The following SYNM variants were observed in gnomAD, a reference collection of about 807,000 sequenced individuals.
SYNM encodes synemin, also known as desmuslin.
Under a neutral mutation model 104.0 loss-of-function variants are expected in SYNM, and 95 were observed. That is an observed-to-expected ratio of 0.91 (90% CI 0.77 to 1.08). The LOEUF (loss-of-function observed/expected upper bound fraction) is 1.08. Ranked by LOEUF, SYNM falls within the 50% of genes least tolerant of loss-of-function variation. The pLI is 0.00. For missense variants in SYNM, 2,150 were observed against 2,052.2 expected, an observed-to-expected ratio of 1.05 and a Z score of -0.92; for synonymous variants, 918 against 869.0, an observed-to-expected ratio of 1.06 and a Z score of -0.99.
chr15:99,109,769 T>C (rs987890620), intron 1 of SYNM, among the ~76,000 whole-genome samples: 35 of 152,170 alleles, frequency 2.3e-4, no homozygotes, highest in Non-Finnish European at 2.5e-4. Flanking sequence ...AGAAAGTCCC[T>C]TGACCTGAGA....
chr15:99,121,053 G>A (rs1218345921), intron 2 of SYNM, among the ~76,000 whole-genome samples: 2 of 152,178 alleles, frequency 1.3e-5, no homozygotes, highest in East Asian at 1.9e-4. Flanking sequence ...GGGCCTTTGG[G>A]TGGTGGGGGA....
chr15:99,137,057 G>C (rs527642083), downstream of SYNM: 1 of 152,452 alleles, frequency 6.6e-6, no homozygotes, highest in East Asian at 1.9e-4. Flanking sequence ...CACAGTCTGT[G>C]GGACCAGGGG....
chr15:99,123,020 G>A (rs567387385), intron 2 of SYNM, among the ~76,000 whole-genome samples: 15 of 152,292 alleles, frequency 9.8e-5, no homozygotes, highest in South Asian at 8.3e-4. Context: ...AGAAGGAGGT[G>A]GGGACGACGT....
intron 2 of SYNM, among the ~76,000 whole-genome samples, chr15:99,123,378 G>A (rs1427428500): frequency 2.0e-5 from 3 of 150,954 alleles, no homozygotes; most frequent in Non-Finnish European, 2.9e-5. Flanking sequence ...CCCCAGAAGC[G>A]ATGCCCGGAA....
intron 2 of SYNM, among the ~76,000 whole-genome samples, chr15:99,125,910 G>C (rs960725536): frequency 6.6e-6 from 1 of 152,202 alleles, no homozygotes; most frequent in Non-Finnish European, 1.5e-5. Context: ...GGTCTGCTGG[G>C]ACCACTCTCC....
Position 99,129,823 on chromosome 15 carries a change from G to T in SYNM, c.1463G>T (p.Arg488Leu). 6.2e-7 allele frequency: 1 copy of T among 1,613,608 alleles called. No homozygotes were observed. The highest frequency in any genetic ancestry group is 8.5e-7 in the Non-Finnish European group (1 of 1,179,830). The change falls in exon 4 of 4, where the codon CGG becomes CTG. Residue 488 changes from arginine (R) to leucine (L), a missense_variant. Physicochemically the swap from Arg to Leu is moderately radical, Grantham distance 102. Coordinates refer to ENST00000336292, the MANE Select transcript of SYNM (RefSeq NM_145728.3). ...KVAAGASEST[R>L]SNERTVILGK... ...GCAGCAGGTGCTTCGGAAAGCACAC[G>T]GTCAAATGAGAGGACCGTCATTCTG... is the stretch of plus-strand genomic sequence containing the variant.
At position 99,129,586 on chromosome 15, in the gene SYNM, C is replaced by A. The variant is rs782115557; in HGVS notation, c.1226C>A (p.Thr409Asn). The A allele has an allele frequency of 6.2e-7, 1 of 1,613,858 alleles. No individual in the cohort carries two copies. Among genetic ancestry groups the A allele is most frequent in the Non-Finnish European group, 8.5e-7 (1 of 1,179,826 alleles). ...TCGGGATATTCTTCCTCGGCCACTA[C>A]CCAGCAGGAAAACTCATACGGAAAA... ...LGSGYSSSAT[T>N]QQENSYGKAV... Residue 409 changes from threonine to asparagine, a missense_variant, in exon 4 of 4, where the codon ACC becomes AAC. Coordinates refer to ENST00000336292, the MANE Select transcript of SYNM (RefSeq NM_145728.3).
At chr15:99,119,989 G>A (rs1317385687) in intron 2 of SYNM, among the ~76,000 whole-genome samples, 1 of 152,188 alleles carries the variant, frequency 6.6e-6, no homozygotes, top group Non-Finnish European at 1.5e-5. Context: ...AGTGACAGCT[G>A]CCTTCTGTTT....
At chr15:99,107,549 A>G (rs2067258001) in intron 1 of SYNM, among the ~76,000 whole-genome samples, 1 of 152,216 alleles carries the variant, frequency 6.6e-6, no homozygotes, top group Admixed American at 6.5e-5. Context: ...AATCGTCACC[A>G]TGCGTTCACA....
intron 3 of SYNM, among the ~76,000 whole-genome samples, chr15:99,127,346 A>G (rs1185097805): frequency 6.6e-6 from 1 of 152,198 alleles, no homozygotes; most frequent in East Asian, 1.9e-4. Flanking sequence ...GACAGGGCCC[A>G]TCCTTCCTAT....
At position 99,130,987 on chromosome 15, in the gene SYNM, G is replaced by C. The variant is rs1555485727; in HGVS notation, c.2627G>C (p.Arg876Thr). Residue 876 changes from arginine to threonine, a missense_variant, in exon 4 of 4, where the codon AGG (arginine) becomes ACG (threonine). Coordinates refer to ENST00000336292, the MANE Select transcript of SYNM (RefSeq NM_145728.3). Reference sequence around the variant, plus strand: ...GAAATCGTGCAGGGGACTCGAAGGAGGACACAGAAGGACGGTGCAGTGGGC... The same window carrying C: ...GAAATCGTGCAGGGGACTCGAAGGACGACACAGAAGGACGGTGCAGTGGGC... ...QDEIVQGTRR[R>T]TQKDGAVGEK... is the part of the protein sequence containing the mutation. 1 of 1,613,804 alleles carries C rather than the reference G, an allele frequency of 6.2e-7. No homozygotes were observed. Among genetic ancestry groups the C allele is most frequent in the Admixed American group, 1.7e-5 (1 of 60,008 alleles).
Position 99,105,153 on chromosome 15 carries a change from G to C in SYNM, c.-47G>C. 3.9e-6 allele frequency: 6 copies of C among 1,549,440 alleles called. No individual in the cohort carries two copies. Among genetic ancestry groups the C allele is most frequent in the South Asian group, 1.2e-5 (1 of 84,760 alleles). On this transcript the variant is annotated 5_prime_UTR_variant, in exon 1 of 4. Coordinates refer to ENST00000336292, the MANE Select transcript of SYNM (RefSeq NM_145728.3). ...GAGGACGAGACCGGGACAAGACCAG[G>C]GCAGGAGGGAGCCGGCCAGCCGCGA...
At chr15:99,111,905 C>T (rs1469217878) in intron 1 of SYNM, among the ~76,000 whole-genome samples, 4 of 152,160 alleles carry the variant, frequency 2.6e-5, no homozygotes, top group South Asian at 2.1e-4. Context: ...ATCAGTTGGG[C>T]GTGATGGCAG....
chr15:99,105,951 T>C lies in SYNM; in HGVS notation c.752T>C (p.Leu251Pro). ...ALGLEQLRAR[L>P]EDALLRMREE... ...GGGTTGGAGCAGCTGCGCGCGCGGCTGGAGGACGCGCTGCTGCGGATGCGC... is the reference window on the plus strand; with the variant it reads ...GGGTTGGAGCAGCTGCGCGCGCGGCCGGAGGACGCGCTGCTGCGGATGCGC... The change falls in exon 1 of 4, where the codon CTG becomes CCG. Residue 251 changes from leucine (L) to proline (P), a missense_variant. By Grantham distance (98) the Leu-to-Pro change is moderately conservative. Transcript: ENST00000336292. 8 of 1,520,860 alleles carry C rather than the reference T, an allele frequency of 5.3e-6. No homozygotes were observed. The highest frequency in any genetic ancestry group is 7.0e-6 in the Non-Finnish European group (8 of 1,140,276). The allele number at this position is 1,520,860 out of a possible 1,614,324, so 94.2% of individuals were successfully genotyped here.
chr15:99,135,994 C>T (rs1447355663), downstream of SYNM, among the ~76,000 whole-genome samples: 1 of 152,102 alleles, frequency 6.6e-6, no homozygotes, highest in Non-Finnish European at 1.5e-5. Flanking sequence ...CAGTTGGTTA[C>T]CTTATAAGTG....
At chr15:99,136,755 G>A (rs2067622478), downstream of SYNM, 1 of 151,602 alleles carries the variant, frequency 6.6e-6, no homozygotes. Flanking sequence ...GGTGAGTAGT[G>A]ACATCTTACA....
At chr15:99,116,809 T>G (rs1264252481) in intron 2 of SYNM, among the ~76,000 whole-genome samples, 1 of 143,730 alleles carries the variant, frequency 7.0e-6, no homozygotes, top group African/African-American at 2.5e-5. Flanking sequence ...CCCGAGTAGC[T>G]GGGACTACAG....
intron 2 of SYNM, among the ~76,000 whole-genome samples, chr15:99,114,610 G>C (rs868993933): frequency 2.6e-5 from 4 of 152,062 alleles, no homozygotes; most frequent in Non-Finnish European, 5.9e-5. Flanking sequence ...AGGCCAACTG[G>C]CTTTATGTAT....
intron 3 of SYNM, among the ~76,000 whole-genome samples, chr15:99,128,459 T>C (rs2067467412): frequency 6.6e-6 from 1 of 152,244 alleles, no homozygotes; most frequent in Non-Finnish European, 1.5e-5. Flanking sequence ...GTAGAAAATG[T>C]CCTGGCCTGG....
Sources: gnomAD v4.1 joint callset for allele counts (sites outside exome capture counted in the v4.1 genomes callset) on GRCh38, gnomAD v4.1.1 for gene constraint, MANE v1.5 for transcripts, NCBI Gene and HGNC (gene_info 2026-07-23, HGNC 2026-07-21) for gene names.